CFAP77: variants seen among roughly 807,000 people sequenced by gnomAD.
The protein encoded by CFAP77 is cilia- and flagella-associated protein 77.
Under a neutral mutation model 31.1 loss-of-function variants are expected in CFAP77, and 25 were observed. The ratio of observed to expected loss-of-function variants is 0.80; its 90% CI spans 0.59 to 1.12. CFAP77 has a LOEUF of 1.12. Ranked by LOEUF, CFAP77 falls within the 50% of genes most tolerant of loss-of-function variation. The pLI, the probability that CFAP77 is intolerant of heterozygous loss-of-function variation, is 0.00. For synonymous variants in CFAP77, 151 were observed against 159.9 expected (o/e 0.94, Z 0.42); for missense variants, 377 against 397.3 (o/e 0.95, Z 0.44).
rs1396609032 is a variant in CFAP77 at position 132,424,325 on chromosome 9, C to T, written c.195+13859C>T. 1.3e-5 allele frequency among the ~76,000 whole-genome samples: 2 copies of T among 152,108 alleles called. No homozygotes were observed. Among genetic ancestry groups the T allele is most frequent in the African/African-American group, 2.4e-5 (1 of 41,430 alleles). ...GCTGAGGCAGGAGAATCACTTGAAC[C>T]AGGGAGGCAGAAGTTGCAGTGGGCT... On this transcript the variant is annotated intron_variant, in intron 1 of 5. Transcript: ENST00000393216. The surrounding 1 kb of genome is among the most constrained non-coding windows in gnomAD (Gnocchi z 4.1).
chr9:132,445,942 C>G (rs545994223), intron 1 of CFAP77, among the ~76,000 whole-genome samples: 23 of 151,936 alleles, frequency 1.5e-4, no homozygotes, highest in African/African-American at 5.3e-4. Context: ...CTTGTGTTCT[C>G]TAGTGCTCTT....
chr9:132,461,946 TAAG>T (rs1156686440), intron 1 of CFAP77, among the ~76,000 whole-genome samples: 1 of 152,236 alleles, frequency 6.6e-6, no homozygotes, highest in Non-Finnish European at 1.5e-5. Context: ...CTGCAAATGT[TAAG>T]GAGGAGGAGA....
At position 132,501,762 on chromosome 9, in the gene CFAP77, G is replaced by A. The variant is rs1389820768; in HGVS notation, c.524+2162G>A. Among the ~76,000 whole-genome samples, 2 of 152,254 alleles carry A rather than the reference G, an allele frequency of 1.3e-5. No individual in the cohort carries two copies. The highest frequency in any genetic ancestry group is 2.4e-5 in the African/African-American group (1 of 41,474). On this transcript the variant is annotated intron_variant, in intron 3 of 5. Transcript: ENST00000393216. This position sits in a 1 kb window ranked among gnomAD's most constrained non-coding sequence, Gnocchi z 4.6. Reference sequence around the variant, plus strand: ...GGCTGAGACGCCAGGCCTGGGTCATGTGTCTGCCTCAGAGCCAATGGCTGA... The same window carrying A: ...GGCTGAGACGCCAGGCCTGGGTCATATGTCTGCCTCAGAGCCAATGGCTGA...
intron 1 of CFAP77, among the ~76,000 whole-genome samples, chr9:132,410,989 A>G (rs1050911189): frequency 6.6e-6 from 1 of 152,218 alleles, no homozygotes; most frequent in African/African-American, 2.4e-5. Context: ...TTCTTACCCA[A>G]ATTACAACCC....
intron 3 of CFAP77, among the ~76,000 whole-genome samples, chr9:132,505,623 A>T (rs1851919090): frequency 6.6e-6 from 1 of 152,068 alleles, no homozygotes. Context: ...CCACATTTTT[A>T]AAAAGTCAGG....
chr9:132,420,229 G>A (rs548023088), intron 1 of CFAP77, among the ~76,000 whole-genome samples: 1 of 151,866 alleles, frequency 6.6e-6, no homozygotes, highest in Non-Finnish European at 1.5e-5. Context: ...GTTGAGGCAG[G>A]AGCAGTATTG....
intron 1 of CFAP77, among the ~76,000 whole-genome samples, chr9:132,432,089 G>A (rs766655897): frequency 9.9e-5 from 15 of 152,256 alleles, no homozygotes; most frequent in Non-Finnish European, 1.9e-4. Context: ...CACACTGCAC[G>A]TCAGGGAACA....
At chr9:132,460,655 C>T (rs1303836551) in intron 1 of CFAP77, among the ~76,000 whole-genome samples, 1 of 151,980 alleles carries the variant, frequency 6.6e-6, no homozygotes, top group Admixed American at 6.6e-5. Context: ...TATGAGATAA[C>T]CTTTTGGGGT....
At chr9:132,434,353 G>A (rs981213448) in intron 1 of CFAP77, among the ~76,000 whole-genome samples, 1 of 152,002 alleles carries the variant, frequency 6.6e-6, no homozygotes. Flanking sequence ...CCAGGAACCA[G>A]GTCTTTTTAA....
At chr9:132,519,512 G>GTGGGTGGGTGGA (rs1852215284) in intron 3 of CFAP77, among the ~76,000 whole-genome samples, 2 of 100,832 alleles carry the variant, frequency 2.0e-5, no homozygotes, top group African/African-American at 7.5e-5. Context: ...GGATGGGTGG[G>GTGGGTGGGTGGA]TGGGTGGGTA....
intron 1 of CFAP77, among the ~76,000 whole-genome samples, chr9:132,486,936 G>A (rs552064404): frequency 2.6e-5 from 4 of 152,266 alleles, no homozygotes; most frequent in Non-Finnish European, 5.9e-5. Flanking sequence ...CAGGCAGCCG[G>A]AAGGGAGGCC....
At chr9:132,506,085 C>T (rs571337536) in intron 3 of CFAP77, among the ~76,000 whole-genome samples, 81 of 152,346 alleles carry the variant, frequency 5.3e-4, no homozygotes, top group African/African-American at 1.8e-3. Context: ...CGGTGCAGAG[C>T]CCGGATTTCT....
At chr9:132,446,336 T>C (rs1299319831) in intron 1 of CFAP77, among the ~76,000 whole-genome samples, 1 of 152,034 alleles carries the variant, frequency 6.6e-6, no homozygotes, top group African/African-American at 2.4e-5. Context: ...CGTCTGGTCA[T>C]GCGTGGTCCT....
chr9:132,512,406 G>T lies in CFAP77; in HGVS notation c.524+12806G>T, dbSNP rs117152593. On this transcript the variant is annotated intron_variant, in intron 3 of 5. Transcript: ENST00000393216. Reference sequence around the variant, plus strand: ...TTTCCAAATAAGGTCAAATTTACAGGCTGGAGGAGGGTTAGGATATGGACA... The same window carrying T: ...TTTCCAAATAAGGTCAAATTTACAGTCTGGAGGAGGGTTAGGATATGGACA... Among the ~76,000 whole-genome samples the T allele has an allele frequency of 9.5e-4, 145 of 152,290 alleles. 1 individual carries two copies. In the East Asian group the frequency reaches 0.024, roughly 25 times the overall value.
intron 1 of CFAP77, among the ~76,000 whole-genome samples, chr9:132,465,397 G>A (rs1851136128): frequency 6.6e-6 from 1 of 152,214 alleles, no homozygotes; most frequent in African/African-American, 2.4e-5. Flanking sequence ...TGAAGGTTGT[G>A]TTGGGGGAAC....
At chr9:132,536,678 G>C (rs1251961434) in intron 3 of CFAP77, among the ~76,000 whole-genome samples, 1 of 152,188 alleles carries the variant, frequency 6.6e-6, no homozygotes, top group Non-Finnish European at 1.5e-5. Context: ...ACAGGTGTGA[G>C]CCACTGCACC....
chr9:132,547,195 T>C (rs892191458), intron 5 of CFAP77, among the ~76,000 whole-genome samples: 1 of 151,792 alleles, frequency 6.6e-6, no homozygotes, highest in Non-Finnish European at 1.5e-5. Context: ...CAGCAAGGAG[T>C]AATGTGGTAC....
chr9:132,552,793 GC>G lies in CFAP77; in HGVS notation c.732+9750del, dbSNP rs1283041021. Among the ~76,000 whole-genome samples, 8 of 151,886 alleles carry G rather than the reference GC, an allele frequency of 5.3e-5. No individual in the cohort carries two copies. The East Asian group carries it at 1.5e-3, about 29-fold the overall frequency. ...AACCTGTATTTTCAGCAAGCCAGCT[GC>G]CCCAGCTCTCAGGGTCAGTGTCAAC... On this transcript the variant is annotated intron_variant, in intron 5 of 5. Transcript: ENST00000393216. The surrounding 1 kb of genome is among the most constrained non-coding windows in gnomAD (Gnocchi z 5.5).
rs111872468 is a variant in CFAP77 at position 132,424,523 on chromosome 9, G to A, written c.195+14057G>A. Among the ~76,000 whole-genome samples the A allele has an allele frequency of 1.9e-3, 294 of 152,344 alleles. 1 individual carries two copies. The highest frequency in any genetic ancestry group is 6.3e-3 in the African/African-American group (264 of 41,582). On this transcript the variant is annotated intron_variant, in intron 1 of 5. Transcript: ENST00000393216. This position sits in a 1 kb window ranked among gnomAD's most constrained non-coding sequence, Gnocchi z 4.1. ...ACAGGTGTAGACAATGGCTAGACAA[G>A]GTGAGAAATTGGCTGCCATGAGCTT...
Sources: allele counts gnomAD v4.1 joint callset (sites outside exome capture counted in the v4.1 genomes callset), GRCh38; gene constraint gnomAD v4.1.1; non-coding constraint Gnocchi (gnomAD v3.1); transcripts MANE v1.5; gene names NCBI Gene and HGNC (gene_info 2026-07-23, HGNC 2026-07-21).